Variants in ADGRL3 observed in about 807,000 individuals in gnomAD.
ADGRL3 encodes the protein calcium-independent alpha-latrotoxin receptor 3.
Under a neutral mutation model 153.5 loss-of-function variants are expected in ADGRL3, and 62 were observed. That is an observed-to-expected ratio of 0.40 (90% CI 0.33 to 0.50). ADGRL3 has a LOEUF of 0.50. Among genes scored for constraint, ADGRL3 ranks in the 20% least tolerant of loss-of-function variants. The pLI, the probability that ADGRL3 is intolerant of heterozygous loss-of-function variation, is 0.47. For missense variants in ADGRL3, 1,641 were observed against 1,859.4 expected, an observed-to-expected ratio of 0.88 and a Z score of 2.16; for synonymous variants, 710 against 672.5, an observed-to-expected ratio of 1.06 and a Z score of -0.86.
At chr4:61,236,664 G>A (rs1316371999) in intron 1 of ADGRL3, among the ~76,000 whole-genome samples, 2 of 152,124 alleles carry the variant, frequency 1.3e-5, no homozygotes, top group East Asian at 3.9e-4. Flanking sequence ...GCCTCCATAA[G>A]TAGAGGTCAG....
At chr4:61,522,966 AT>A (rs2152925515) in intron 4 of ADGRL3, among the ~76,000 whole-genome samples, 1 of 152,096 alleles carries the variant, frequency 6.6e-6, no homozygotes, top group African/African-American at 2.4e-5. Context: ...AATCCAAGTG[AT>A]TTTCCCCCAC....
chr4:61,474,113 C>T (rs567800845), intron 2 of ADGRL3, among the ~76,000 whole-genome samples: 2 of 152,180 alleles, frequency 1.3e-5, no homozygotes, highest in Non-Finnish European at 2.9e-5. Flanking sequence ...GCTTGAGCTT[C>T]TACTTTTGCA....
intron 5 of ADGRL3, among the ~76,000 whole-genome samples, chr4:61,629,431 C>A (rs2093020647): frequency 6.6e-6 from 1 of 151,402 alleles, no homozygotes; most frequent in African/African-American, 2.4e-5. Context: ...AAAAAAAAGT[C>A]CAAGTGGCCA....
intron 2 of ADGRL3, among the ~76,000 whole-genome samples, chr4:61,454,227 G>A (rs1033217242): frequency 6.6e-6 from 1 of 151,884 alleles, no homozygotes; most frequent in Admixed American, 6.6e-5. Flanking sequence ...TGTGACTAGG[G>A]TTTAGCTAAA....
At chr4:61,945,908 C>G (rs916275888) in intron 15 of ADGRL3, among the ~76,000 whole-genome samples, 1 of 152,146 alleles carries the variant, frequency 6.6e-6, no homozygotes, top group Non-Finnish European at 1.5e-5. Context: ...GCGTCGCTCA[C>G]GCTGGGAGCT....
At chr4:61,776,014 T>C (rs1164453016) in intron 8 of ADGRL3, among the ~76,000 whole-genome samples, 2 of 152,054 alleles carry the variant, frequency 1.3e-5, no homozygotes, top group Non-Finnish European at 2.9e-5. Context: ...CATTCTCCTG[T>C]CTCGGCCTCC....
chr4:61,381,203 A>G (rs559389792), intron 1 of ADGRL3, among the ~76,000 whole-genome samples: 58 of 152,016 alleles, frequency 3.8e-4, no homozygotes, highest in Non-Finnish European at 7.2e-4. Context: ...GTAGCTATAC[A>G]AAGAAATTGA....
intron 25 of ADGRL3, among the ~76,000 whole-genome samples, chr4:62,054,108 T>C (rs1368592729): frequency 6.6e-6 from 1 of 151,588 alleles, no homozygotes. Context: ...AAGATAAATA[T>C]TTTTTGCTAA....
Position 61,486,957 on chromosome 4 carries a change from A to G in ADGRL3, c.-173-10164A>G, listed in dbSNP as rs2098201577. Among the ~76,000 whole-genome samples the G allele has an allele frequency of 2.0e-5, 3 of 152,196 alleles. No individual in the cohort carries two copies. In the South Asian group the frequency reaches 6.2e-4, roughly 31 times the overall value. On this transcript the variant is annotated intron_variant, in intron 2 of 26. Coordinates refer to ENST00000683033, the MANE Select transcript of ADGRL3 (RefSeq NM_001387552.1). Reference sequence around the variant, plus strand: ...GCCAAAGACATATATAATGCCAGATAAAAATTATTCAGAGTGAAGATATTG... The same window carrying G: ...GCCAAAGACATATATAATGCCAGATGAAAATTATTCAGAGTGAAGATATTG...
At chr4:61,657,585 A>T (rs2094475894) in intron 5 of ADGRL3, among the ~76,000 whole-genome samples, 1 of 152,088 alleles carries the variant, frequency 6.6e-6, no homozygotes, top group Admixed American at 6.5e-5. Context: ...GTCAACAAAC[A>T]AAATTGTCTT....
At chr4:62,017,868 C>G (rs1251347222) in intron 21 of ADGRL3, among the ~76,000 whole-genome samples, 1 of 151,886 alleles carries the variant, frequency 6.6e-6, no homozygotes, top group Non-Finnish European at 1.5e-5. Flanking sequence ...AAAAGTAGAG[C>G]TTTGTTTTTT....
intron 9 of ADGRL3, among the ~76,000 whole-genome samples, chr4:61,848,072 A>T (rs1334477720): frequency 7.7e-5 from 3 of 39,144 alleles, no homozygotes; most frequent in African/African-American, 2.0e-4. Flanking sequence ...TATAATATAA[A>T]ATATATTATA....
At chr4:61,523,926 T>C (rs932072976) in intron 4 of ADGRL3, among the ~76,000 whole-genome samples, 2 of 152,028 alleles carry the variant, frequency 1.3e-5, no homozygotes, top group African/African-American at 4.8e-5. Flanking sequence ...AACTAGAAAA[T>C]AGGTGCTAAA....
intron 2 of ADGRL3, among the ~76,000 whole-genome samples, chr4:61,477,723 T>C (rs1309679390): frequency 6.6e-6 from 1 of 152,080 alleles, no homozygotes; most frequent in Non-Finnish European, 1.5e-5. Context: ...TTACTGTGGA[T>C]TTGTGGATTG....
chr4:61,744,363 G>C (rs1030911444), intron 8 of ADGRL3, among the ~76,000 whole-genome samples: 1 of 152,174 alleles, frequency 6.6e-6, no homozygotes, highest in African/African-American at 2.4e-5. Flanking sequence ...GAGAGCAGTG[G>C]TTCACCCAGC....
At chr4:61,244,347 A>G (rs953282162) in intron 1 of ADGRL3, among the ~76,000 whole-genome samples, 4 of 152,022 alleles carry the variant, frequency 2.6e-5, no homozygotes, top group Admixed American at 2.0e-4. Flanking sequence ...ATATTTATCA[A>G]TTAAACAGTA....
intron 5 of ADGRL3, among the ~76,000 whole-genome samples, chr4:61,596,689 C>T (rs2098990517): frequency 6.6e-6 from 1 of 151,952 alleles, no homozygotes; most frequent in Non-Finnish European, 1.5e-5. Context: ...CTCGTCTCTA[C>T]CAAAAATTAA....
chr4:61,806,939 G>T (rs1415673451), intron 8 of ADGRL3, among the ~76,000 whole-genome samples: 3 of 151,898 alleles, frequency 2.0e-5, no homozygotes, highest in Non-Finnish European at 4.4e-5. Context: ...AGTCTTTCCT[G>T]AGTCACCCCA....
At chr4:61,411,822 CCAAA>C (rs977057924) in intron 2 of ADGRL3, among the ~76,000 whole-genome samples, 11 of 151,900 alleles carry the variant, frequency 7.2e-5, no homozygotes, top group African/African-American at 1.9e-4. Context: ...CAGAGATTCC[CCAAA>C]CATTTTCAGG....
Sources: allele counts gnomAD v4.1 joint callset (sites outside exome capture counted in the v4.1 genomes callset), GRCh38; gene constraint gnomAD v4.1.1; transcripts MANE v1.5; gene names NCBI Gene and HGNC (gene_info 2026-07-23, HGNC 2026-07-21).